CWF19L1: variants seen among roughly 807,000 people sequenced by gnomAD.
The protein encoded by CWF19L1 is CWF19-like protein 1.
In CWF19L1, 60 loss-of-function variants were observed where a neutral mutation model predicts 69.7. The ratio of observed to expected loss-of-function variants is 0.86; its 90% CI spans 0.70 to 1.07. The LOEUF is 1.07. Among genes scored for constraint, CWF19L1 ranks in the 50% least tolerant of loss-of-function variants. The probability of loss-of-function intolerance (pLI) is 0.00; values close to 1 mark genes in which losing one functional copy is unlikely to be tolerated. For synonymous variants in CWF19L1, 209 were observed against 222.2 expected, an observed-to-expected ratio of 0.94 and a Z score of 0.53; for missense variants, 591 against 638.9, an observed-to-expected ratio of 0.92 and a Z score of 0.81.
chr10:100,248,963 T>G, intron 7 of CWF19L1: 1 of 723,690 alleles, frequency 1.4e-6, no homozygotes, highest in Non-Finnish European at 2.5e-6. Context: ...AACAGCCTGA[T>G]AGAGCTGCGC....
At chr10:100,255,253 T>G (rs1403049182) in intron 5 of CWF19L1, among the ~76,000 whole-genome samples, 1 of 152,248 alleles carries the variant, frequency 6.6e-6, no homozygotes, top group East Asian at 1.9e-4. Context: ...GTATGGTGGC[T>G]CACGCCTGTA....
At chr10:100,251,599 C>A (rs1373938788) in intron 6 of CWF19L1, among the ~76,000 whole-genome samples, 1 of 149,916 alleles carries the variant, frequency 6.7e-6, no homozygotes, top group African/African-American at 2.5e-5. Flanking sequence ...GCAAGCTCCA[C>A]CTCCCGGGTT....
In CWF19L1 at chr10:100,262,071, CAAAG is replaced by C. The variant is rs1847421556; in HGVS notation, c.24-12_24-9del. 1 of 1,609,252 alleles carries C rather than the reference CAAAG, an allele frequency of 6.2e-7. No homozygotes were observed. The highest frequency in any genetic ancestry group is 8.5e-7 in the Non-Finnish European group (1 of 1,178,746). ...ACATCTCCACAAGCCAAGCTGCAAA[CAAAG>C]AGATAAACATTATAGCAATTCAGGA... On this transcript the variant is annotated splice_polypyrimidine_tract_variant and intron_variant, in intron 1 of 13. Transcript: ENST00000354105.
chr10:100,243,880 T>C, intron 9 of CWF19L1, 103 bp from the exon 10 acceptor site: 1 of 916,764 alleles, frequency 1.1e-6, no homozygotes, highest in Non-Finnish European at 1.8e-6. Context: ...CTGAAAAGAC[T>C]GGTATACAAC....
intron 7 of CWF19L1, among the ~76,000 whole-genome samples, chr10:100,249,393 C>T (rs969402307): frequency 4.6e-5 from 7 of 152,172 alleles, no homozygotes; most frequent in Non-Finnish European, 8.8e-5. Flanking sequence ...CTGTCTCAAT[C>T]CACAATAGGT....
At chr10:100,248,217 G>T in intron 7 of CWF19L1, 1 of 740,674 alleles carries the variant, frequency 1.4e-6, no homozygotes, top group South Asian at 1.5e-5. Context: ...TTTATGTGGA[G>T]GTCAGAGTGG....
chr10:100,248,284 C>A (rs531862610), intron 7 of CWF19L1: 447 of 1,355,036 alleles, frequency 3.3e-4, no homozygotes, highest in Non-Finnish European at 4.3e-4. Flanking sequence ...TGTTTTGAGT[C>A]CGTTGGCAAG....
chr10:100,238,057 C>G lies in CWF19L1; in HGVS notation c.1219G>C (p.Glu407Gln). Residue 407 changes from glutamate (E) to glutamine (Q), a missense_variant, in exon 11 of 14, where the codon GAG becomes CAG. Physicochemically the swap from Glu to Gln is conservative, Grantham distance 29. Transcript: ENST00000354105. Reference sequence around the variant, plus strand: ...AGGTGATGGCTCTTATAATTTCTCTCAAATACAACACACCATTTCCCTCGA... The same window carrying G: ...AGGTGATGGCTCTTATAATTTCTCTGAAATACAACACACCATTTCCCTCGA... ...KSRGKWCVVF[E>Q]RNYKSHHLQL... The G allele has an allele frequency of 6.2e-7, 1 of 1,614,192 alleles. No individual in the cohort carries two copies. Among genetic ancestry groups the G allele is most frequent in the Non-Finnish European group, 8.5e-7 (1 of 1,180,030 alleles).
chr10:100,250,182 G>T, intron 7 of CWF19L1, 66 bp downstream of exon 7: 1 of 1,089,218 alleles, frequency 9.2e-7, no homozygotes, highest in Non-Finnish European at 1.4e-6. Flanking sequence ...TGCTAAACTG[G>T]ACAAGAGATA....
intron 7 of CWF19L1, 50 bp downstream of exon 7, chr10:100,250,198 A>G: frequency 8.3e-7 from 1 of 1,205,202 alleles, no homozygotes; most frequent in South Asian, 1.2e-5. Flanking sequence ...AGATACATTT[A>G]TCAGGCAGAC....
In CWF19L1 at chr10:100,233,348, A is replaced by G. The variant is rs750835189; in HGVS notation, c.1496T>C (p.Ile499Thr). Reference sequence around the variant, plus strand: ...GTCAGACTTATCAGGAACATTAAGGATGGCTTCACTGGCCAGGACCTCCCT... The same window carrying G: ...GTCAGACTTATCAGGAACATTAAGGGTGGCTTCACTGGCCAGGACCTCCCT... ...FGREVLASEAILNVPDKSDWR... is the reference protein window; with the variant it reads ...FGREVLASEATLNVPDKSDWR... The change falls in exon 14 of 14, where the codon ATC becomes ACC. Residue 499 changes from isoleucine (I) to threonine (T), a missense_variant. By Grantham distance (89) the Ile-to-Thr change is moderately conservative. Transcript: ENST00000354105. 1 of 1,613,450 alleles carries G rather than the reference A, an allele frequency of 6.2e-7. No homozygotes were observed. The highest frequency in any genetic ancestry group is 8.5e-7 in the Non-Finnish European group (1 of 1,179,806).
At position 100,233,207 on chromosome 10, in the gene CWF19L1, A is replaced by G. The variant is rs760609805; in HGVS notation, c.*20T>C. 2 of 1,582,424 alleles carry G rather than the reference A, an allele frequency of 1.3e-6. No homozygotes were observed. Among genetic ancestry groups the G allele is most frequent in the South Asian group, 2.3e-5 (2 of 85,884 alleles). On this transcript the variant is annotated 3_prime_UTR_variant, in exon 14 of 14. Transcript: ENST00000354105. ...CTTTACTACTTCCTGTGGAGTTCAT[A>G]AAAAGTTCTTCCCTTTGTTTTAGTC...
At chr10:100,247,645 A>G (rs912741774) in intron 7 of CWF19L1, among the ~76,000 whole-genome samples, 1 of 152,254 alleles carries the variant, frequency 6.6e-6, no homozygotes, top group African/African-American at 2.4e-5. Flanking sequence ...CTGCAATCCC[A>G]GCACTTTGGG....
chr10:100,251,574 C>T (rs1416886504), intron 6 of CWF19L1, among the ~76,000 whole-genome samples: 1 of 138,968 alleles, frequency 7.2e-6, no homozygotes, highest in Non-Finnish European at 1.5e-5. Context: ...TGCAGTGGCG[C>T]GATCTCTGCT....
Position 100,250,310 on chromosome 10 carries a change from T to C in CWF19L1, c.646A>G (p.Asn216Asp), listed in dbSNP as rs1168194035. Residue 216 changes from asparagine to aspartate, a missense_variant, in exon 7 of 14, where the codon AAT (asparagine) becomes GAT (aspartate). Physicochemically the swap from Asn to Asp is conservative, Grantham distance 23 (BLOSUM62 1). Transcript: ENST00000354105. ...ATAAACCGGGTGGCATGCTGTGCATTTTCCTGTAGAATGATATGGTTTCTA... is the reference window on the plus strand; with the variant it reads ...ATAAACCGGGTGGCATGCTGTGCATCTTCCTGTAGAATGATATGGTTTCTA... ...PYRNHIILQE[N>D]AQHATRFIAL... 6.2e-7 allele frequency: 1 copy of C among 1,611,688 alleles called. No homozygotes were observed. The highest frequency in any genetic ancestry group is 2.2e-5 in the East Asian group (1 of 44,878).
chr10:100,266,875 T>C (rs1227695827), intron 1 of CWF19L1, among the ~76,000 whole-genome samples: 1 of 149,746 alleles, frequency 6.7e-6, no homozygotes, highest in Non-Finnish European at 1.5e-5. Flanking sequence ...TTTGAGAGTC[T>C]CGTTCTGTCG....
intron 8 of CWF19L1, 105 bp downstream of exon 8, chr10:100,246,690 G>T: frequency 8.6e-7 from 1 of 1,159,692 alleles, no homozygotes; most frequent in Non-Finnish European, 1.2e-6. Context: ...ATTTCCCAAG[G>T]GGAAAAAAAA....
chr10:100,235,196 G>C (rs1846392063), intron 13 of CWF19L1, among the ~76,000 whole-genome samples: 1 of 152,324 alleles, frequency 6.6e-6, no homozygotes, highest in East Asian at 1.9e-4. Context: ...CACTGCTCTA[G>C]AGCCTCATTT....
intron 13 of CWF19L1, among the ~76,000 whole-genome samples, chr10:100,234,344 A>G (rs1416379136): frequency 1.3e-5 from 2 of 152,254 alleles, no homozygotes; most frequent in Admixed American, 1.3e-4. Flanking sequence ...CTATATAACT[A>G]TAAATTAGTA....
Sources: gnomAD v4.1 joint callset for allele counts (sites outside exome capture counted in the v4.1 genomes callset) on GRCh38, gnomAD v4.1.1 for gene constraint, MANE v1.5 for transcripts, NCBI Gene and HGNC (gene_info 2026-07-23, HGNC 2026-07-21) for gene names.